The following ADAMTS18 variants were observed in gnomAD, a reference collection of about 807,000 sequenced individuals.
The protein encoded by ADAMTS18 is ADAM metallopeptidase with thrombospondin type 1 motif 18.
In ADAMTS18, 157 loss-of-function variants were observed where a neutral mutation model predicts 165.9. The observed-to-expected ratio is 0.95, with a 90% CI of 0.83 to 1.08. The LOEUF (loss-of-function observed/expected upper bound fraction) is 1.08, where lower values mean the gene tolerates loss of function less well. Ranked by LOEUF, ADAMTS18 falls within the 50% of genes least tolerant of loss-of-function variation. The pLI, the probability that ADAMTS18 is intolerant of heterozygous loss-of-function variation, is 0.00. For missense variants in ADAMTS18, 2,040 were observed against 1,534.0 expected (o/e 1.33, Z -5.51); for synonymous variants, 782 against 578.2 (o/e 1.35, Z -5.06).
At chr16:77,292,264 C>T (rs930548519) in intron 20 of ADAMTS18, among the ~76,000 whole-genome samples, 1 of 152,180 alleles carries the variant, frequency 6.6e-6, no homozygotes, top group African/African-American at 2.4e-5. Flanking sequence ...TGCCACTGCA[C>T]TCTAGGACAA....
At chr16:77,287,154 A>C (rs2055269634) in intron 22 of ADAMTS18, among the ~76,000 whole-genome samples, 1 of 152,122 alleles carries the variant, frequency 6.6e-6, no homozygotes, top group Admixed American at 6.5e-5. Context: ...AAGGGGAGGA[A>C]ACTCTCACAG....
intron 7 of ADAMTS18, 47 bp downstream of exon 7, chr16:77,362,058 G>C: frequency 6.2e-7 from 1 of 1,606,520 alleles, no homozygotes; most frequent in Non-Finnish European, 8.5e-7. Flanking sequence ...TTTCCATACT[G>C]TGTTTTCAGC....
intron 3 of ADAMTS18, among the ~76,000 whole-genome samples, chr16:77,413,422 T>G (rs776527124): frequency 3.9e-5 from 6 of 152,212 alleles, no homozygotes; most frequent in Non-Finnish European, 8.8e-5. Context: ...TCTGCTTCAG[T>G]GCTAGCATTG....
chr16:77,421,372 C>A (rs1395901061), intron 3 of ADAMTS18, among the ~76,000 whole-genome samples: 1 of 152,198 alleles, frequency 6.6e-6, no homozygotes, highest in African/African-American at 2.4e-5. Context: ...AGAGGAACTC[C>A]TGGGTTTGTT....
At chr16:77,414,127 A>G (rs1300927721) in intron 3 of ADAMTS18, among the ~76,000 whole-genome samples, 1 of 152,218 alleles carries the variant, frequency 6.6e-6, no homozygotes, top group African/African-American at 2.4e-5. Context: ...AGTGCCTCCA[A>G]ACCAAAATAT....
In ADAMTS18 at chr16:77,319,913, C is replaced by A. The variant is rs189744529; in HGVS notation, c.2468G>T (p.Arg823Leu). 6.2e-7 allele frequency: 1 copy of A among 1,614,130 alleles called. No individual in the cohort carries two copies. The highest frequency in any genetic ancestry group is 1.7e-5 in the Admixed American group (1 of 60,018). ...PFAGTTFEYQRSFNRPERLYA... is the reference protein window; with the variant it reads ...PFAGTTFEYQLSFNRPERLYA... ...CAGACGTTCCGGGCGGTTGAAAGAG[C>A]GCTGGTATTCAAACGTGGTCCCAGC... Residue 823 changes from arginine to leucine, a missense_variant, in exon 16 of 23, where the codon CGC becomes CTC. Physicochemically the swap from Arg to Leu is moderately radical, Grantham distance 102. Coordinates refer to ENST00000282849, the MANE Select transcript of ADAMTS18 (RefSeq NM_199355.4).
intron 16 of ADAMTS18, among the ~76,000 whole-genome samples, chr16:77,313,226 T>C (rs2173751): frequency 6.6e-6 from 1 of 151,534 alleles, no homozygotes; most frequent in African/African-American, 2.4e-5. Flanking sequence ...TTCTCACTCA[T>C]AGGTGGGAAT....
intron 7 of ADAMTS18, among the ~76,000 whole-genome samples, chr16:77,361,636 G>A (rs2056714747): frequency 6.6e-6 from 1 of 152,092 alleles, no homozygotes; most frequent in Non-Finnish European, 1.5e-5. Flanking sequence ...GTAGTCCCAG[G>A]ACTTTGGGAG....
Position 77,283,824 on chromosome 16 carries a change from G to A in ADAMTS18, c.*132C>T. ...ACTGGCAACCTGTCTGTTCCTCAGA[G>A]CAGGCTCCTTCATCACAGCGGCAGC... On this transcript the variant is annotated 3_prime_UTR_variant, in exon 23 of 23. Transcript: ENST00000282849. The A allele has an allele frequency of 1.4e-6, 1 of 724,074 alleles. No individual in the cohort carries two copies. Among genetic ancestry groups the A allele is most frequent in the Non-Finnish European group, 2.5e-6 (1 of 406,324 alleles). The allele number at this position is 724,074 out of a possible 1,614,324, so 44.9% of individuals were successfully genotyped here.
In ADAMTS18 at chr16:77,367,739, C is replaced by T; in HGVS notation, c.496-16G>A. The T allele has an allele frequency of 6.2e-7, 1 of 1,614,148 alleles. No homozygotes were observed. The highest frequency in any genetic ancestry group is 1.1e-5 in the South Asian group (1 of 91,086). ...TTAAACCTGACTAAAAAGCCAAACA[C>T]AAAGCAAACAGTCATGATTCCATGC... is the stretch of plus-strand genomic sequence containing the variant. On this transcript the variant is annotated splice_polypyrimidine_tract_variant and intron_variant, in intron 3 of 22. Transcript: ENST00000282849.
chr16:77,369,545 G>A (rs1181793091), intron 3 of ADAMTS18, among the ~76,000 whole-genome samples: 1 of 152,178 alleles, frequency 6.6e-6, no homozygotes, highest in Non-Finnish European at 1.5e-5. Flanking sequence ...ACTGAAACAT[G>A]AAGAAACAGA....
chr16:77,383,268 T>C (rs915306570), intron 3 of ADAMTS18, among the ~76,000 whole-genome samples: 11 of 152,074 alleles, frequency 7.2e-5, no homozygotes, highest in African/African-American at 2.4e-4. Flanking sequence ...TCATGCTCTA[T>C]CACTACAAGA....
intron 12 of ADAMTS18, among the ~76,000 whole-genome samples, chr16:77,328,503 A>G (rs1567486215): frequency 6.6e-6 from 1 of 152,192 alleles, no homozygotes; most frequent in Non-Finnish European, 1.5e-5. Flanking sequence ...GGGAAATGTC[A>G]CGCGGCCAGA....
chr16:77,322,470 G>C lies in ADAMTS18; in HGVS notation c.2033-4C>G, dbSNP rs200070076. 2 of 1,613,590 alleles carry C rather than the reference G, an allele frequency of 1.2e-6. No homozygotes were observed. Among genetic ancestry groups the C allele is most frequent in the South Asian group, 1.1e-5 (1 of 91,074 alleles). On this transcript the variant is annotated splice_polypyrimidine_tract_variant and splice_region_variant and intron_variant, in intron 13 of 22. Transcript: ENST00000282849. ...TACAGTTTGCATCGATCTTCCTCTA[G>C]AAACAAAGAGATCAAGATAGGAAAT...
intron 12 of ADAMTS18, among the ~76,000 whole-genome samples, chr16:77,327,808 C>G (rs1048108260): frequency 2.0e-5 from 3 of 152,148 alleles, no homozygotes; most frequent in African/African-American, 7.2e-5. Context: ...CTCCCATTTC[C>G]TAATACTCTC....
chr16:77,283,483 G>C lies in ADAMTS18; in HGVS notation c.*473C>G, dbSNP rs1330030624. 5.8e-6 allele frequency: 1 copy of C among 173,100 alleles called. No homozygotes were observed. Among genetic ancestry groups the C allele is most frequent in the African/African-American group, 2.4e-5 (1 of 41,618 alleles). The allele number at this position is 173,100 out of a possible 1,614,324, so 10.7% of individuals were successfully genotyped here. On this transcript the variant is annotated 3_prime_UTR_variant, in exon 23 of 23. Coordinates refer to ENST00000282849, the MANE Select transcript of ADAMTS18 (RefSeq NM_199355.4). ...GCTTCTCATAGAACTCCTGGCTTGG[G>C]TGTTCACAGGGTTAGTCGAACTGTG...
chr16:77,322,799 C>G (rs908286500), intron 13 of ADAMTS18, among the ~76,000 whole-genome samples: 1 of 152,078 alleles, frequency 6.6e-6, no homozygotes, highest in Admixed American at 6.5e-5. Flanking sequence ...CAGCCACTGA[C>G]AATACAGAAA....
chr16:77,334,923 A>C (rs989215554), intron 12 of ADAMTS18, among the ~76,000 whole-genome samples: 19 of 139,512 alleles, frequency 1.4e-4, no homozygotes, highest in South Asian at 2.2e-4. Flanking sequence ...TATAGTATAT[A>C]GTATATATAC....
chr16:77,290,610 G>A (rs992372441), intron 21 of ADAMTS18: 2 of 155,312 alleles, frequency 1.3e-5, no homozygotes, highest in Admixed American at 6.3e-5. Flanking sequence ...GAGGTGGGGA[G>A]CACCCGAGTC....
Sources: allele counts gnomAD v4.1 joint callset (sites outside exome capture counted in the v4.1 genomes callset), GRCh38; gene constraint gnomAD v4.1.1; transcripts MANE v1.5; gene names NCBI Gene and HGNC (gene_info 2026-07-23, HGNC 2026-07-21).